Variants in BIRC2 observed in about 807,000 individuals in gnomAD.
The protein encoded by BIRC2 is baculoviral IAP repeat-containing protein 2.
In BIRC2, 18 loss-of-function variants were observed where a neutral mutation model predicts 60.9. The observed-to-expected ratio is 0.30, with a 90% CI of 0.20 to 0.44. The LOEUF (loss-of-function observed/expected upper bound fraction) is 0.44. BIRC2 is among the 20% of genes least tolerant of loss of function. The pLI, the probability that BIRC2 is intolerant of heterozygous loss-of-function variation, is 1.00. For missense variants in BIRC2, 701 were observed against 728.5 expected (o/e 0.96, Z 0.43); for synonymous variants, 282 against 247.7 (o/e 1.14, Z -1.30).
In BIRC2 at chr11:102,349,887, A is replaced by G. The variant is rs1393689291; in HGVS notation, c.33A>G (p.Pro11=). 1 of 1,611,454 alleles carries G rather than the reference A, an allele frequency of 6.2e-7. No individual in the cohort carries two copies. The highest frequency in any genetic ancestry group is 8.5e-7 in the Non-Finnish European group (1 of 1,178,264). Residue 11 remains proline (P), a synonymous_variant, in exon 2 of 9, where the codon CCA becomes CCG. Transcript: ENST00000227758. MHKTASQRLF[P]GPSYQNIKSI... Reference sequence around the variant, plus strand: ...AAACTGCCTCCCAAAGACTTTTCCCAGGTCCCTCGTATCAAAACATTAAGA... The same window carrying G: ...AAACTGCCTCCCAAAGACTTTTCCCGGGTCCCTCGTATCAAAACATTAAGA...
chr11:102,352,587 A>ATTTTTAGTAGAGACAGGG (rs533460950), intron 3 of BIRC2, among the ~76,000 whole-genome samples: 1 of 151,846 alleles, frequency 6.6e-6, no homozygotes, highest in Non-Finnish European at 1.5e-5. Context: ...ATTTTTTTGT[A>ATTTTTAGTAGAGACAGGG]TTTTTAGTAG....
chr11:102,356,613 G>A (rs1159775178), intron 3 of BIRC2, among the ~76,000 whole-genome samples: 1 of 151,602 alleles, frequency 6.6e-6, no homozygotes, highest in Admixed American at 6.6e-5. Flanking sequence ...TCCTGAAAGG[G>A]TGTTGAATTT....
chr11:102,376,647 G>A (rs182015663), intron 6 of BIRC2, among the ~76,000 whole-genome samples: 4 of 152,180 alleles, frequency 2.6e-5, no homozygotes, highest in African/African-American at 7.2e-5. Context: ...TTTATGTGAT[G>A]CGATATTAAA....
At chr11:102,375,925 A>T (rs939694146) in intron 6 of BIRC2, among the ~76,000 whole-genome samples, 1 of 152,078 alleles carries the variant, frequency 6.6e-6, no homozygotes, top group African/African-American at 2.4e-5. Flanking sequence ...GAGATATTGC[A>T]AATAAAACAC....
rs201622293 is a variant in BIRC2 at position 102,350,034 on chromosome 11, G to T, written c.180G>T (p.Val60=). 8 of 1,614,080 alleles carry T rather than the reference G, an allele frequency of 5.0e-6. No homozygotes were observed. Among genetic ancestry groups the T allele is most frequent in the Admixed American group, 1.7e-5 (1 of 60,006 alleles). Residue 60 remains valine, a synonymous_variant, in exon 2 of 9, where the codon GTG becomes GTT. Coordinates refer to ENST00000227758, the MANE Select transcript of BIRC2 (RefSeq NM_001166.5). ...MSTYSTFPAG[V]PVSERSLARA... ...CATATTCAACTTTCCCCGCCGGGGTGCCTGTCTCAGAAAGGAGTCTTGCTC... is the reference window on the plus strand; with the variant it reads ...CATATTCAACTTTCCCCGCCGGGGTTCCTGTCTCAGAAAGGAGTCTTGCTC...
chr11:102,377,829 T>A, intron 7 of BIRC2, 28 bp from the exon 8 acceptor site: 2 of 1,599,316 alleles, frequency 1.3e-6, no homozygotes, highest in Non-Finnish European at 1.7e-6. Flanking sequence ...TTTAGTAGAG[T>A]AATGGTTTTT....
intron 4 of BIRC2, among the ~76,000 whole-genome samples, chr11:102,363,316 T>C (rs1951506463): frequency 6.6e-6 from 1 of 152,248 alleles, no homozygotes; most frequent in African/African-American, 2.4e-5. Flanking sequence ...GAAGGATCTT[T>C]AGTGTCTCTT....
At chr11:102,358,449 G>C (rs1951447234) in intron 3 of BIRC2, among the ~76,000 whole-genome samples, 1 of 152,140 alleles carries the variant, frequency 6.6e-6, no homozygotes, top group Non-Finnish European at 1.5e-5. Flanking sequence ...AAGCATTTCA[G>C]ATAAGGAATA....
At chr11:102,370,672 C>G (rs1168447360) in intron 6 of BIRC2, among the ~76,000 whole-genome samples, 18 of 84,162 alleles carry the variant, frequency 2.1e-4, no homozygotes, top group South Asian at 1.1e-3. Flanking sequence ...TCCATATGAA[C>G]TTTAAAGTAG....
chr11:102,370,066 C>T (rs1296292147), intron 6 of BIRC2, among the ~76,000 whole-genome samples: 1 of 151,986 alleles, frequency 6.6e-6, no homozygotes, highest in East Asian at 1.9e-4. Context: ...TGGTTATTAG[C>T]CCTTTGTCAG....
chr11:102,366,430 A>G (rs1951553569), intron 5 of BIRC2, among the ~76,000 whole-genome samples: 1 of 150,408 alleles, frequency 6.6e-6, no homozygotes, highest in South Asian at 2.1e-4. Context: ...GCAGTGGCGC[A>G]ATTTTGGCTC....
At chr11:102,361,511 A>G (rs1197956731) in intron 3 of BIRC2, among the ~76,000 whole-genome samples, 1 of 152,114 alleles carries the variant, frequency 6.6e-6, no homozygotes, top group Non-Finnish European at 1.5e-5. Flanking sequence ...CTCCCTCTCC[A>G]GGGGGTTCAC....
intron 3 of BIRC2, among the ~76,000 whole-genome samples, chr11:102,358,488 C>G (rs1442965324): frequency 6.6e-6 from 1 of 152,092 alleles, no homozygotes; most frequent in Non-Finnish European, 1.5e-5. Flanking sequence ...TCCATTAGAT[C>G]CAGTGTATAG....
At chr11:102,373,185 CAT>C (rs1344081444) in intron 6 of BIRC2, among the ~76,000 whole-genome samples, 2 of 151,868 alleles carry the variant, frequency 1.3e-5, no homozygotes, top group Non-Finnish European at 2.9e-5. Flanking sequence ...TTAATATTGT[CAT>C]GTGTGAATTT....
chr11:102,362,586 A>C (rs1299381597), intron 3 of BIRC2, among the ~76,000 whole-genome samples: 1 of 152,216 alleles, frequency 6.6e-6, no homozygotes, highest in Non-Finnish European at 1.5e-5. Context: ...CACTTTAAGC[A>C]CAAAATAGAT....
intron 6 of BIRC2, among the ~76,000 whole-genome samples, chr11:102,374,155 T>C (rs904792607): frequency 2.6e-5 from 4 of 150,980 alleles, no homozygotes; most frequent in South Asian, 2.1e-4. Context: ...TCTGAAGCCT[T>C]CTTCTCTCAG....
chr11:102,348,640 C>T lies in BIRC2; in HGVS notation c.-1215C>T, dbSNP rs1015825839. 3.6e-5 allele frequency: 11 copies of T among 306,718 alleles called. No individual in the cohort carries two copies. Among genetic ancestry groups the T allele is most frequent in the African/African-American group, 1.6e-4 (7 of 43,906 alleles). 19.0% of individuals were successfully genotyped at this position (306,718 alleles called of 1,614,324 possible). On this transcript the variant is annotated 5_prime_UTR_variant, in exon 2 of 9. Coordinates refer to ENST00000227758, the MANE Select transcript of BIRC2 (RefSeq NM_001166.5). Reference sequence around the variant, plus strand: ...ATCTCCCTATCCCTATTTTGTCCCCCTGCAGTAATAAATCCCATTATGGAG... The same window carrying T: ...ATCTCCCTATCCCTATTTTGTCCCCTTGCAGTAATAAATCCCATTATGGAG...
At chr11:102,373,123 T>C (rs1404720994) in intron 6 of BIRC2, among the ~76,000 whole-genome samples, 3 of 150,948 alleles carry the variant, frequency 2.0e-5, no homozygotes, top group Admixed American at 6.6e-5. Context: ...CTTTATCCAA[T>C]TTGCCAGTCT....
chr11:102,365,130 C>T (rs1951539182), intron 5 of BIRC2, among the ~76,000 whole-genome samples: 1 of 152,188 alleles, frequency 6.6e-6, no homozygotes, highest in South Asian at 2.1e-4. Context: ...TATCCTTGTA[C>T]TTTTCTGTTT....
Sources: allele counts gnomAD v4.1 joint callset (sites outside exome capture counted in the v4.1 genomes callset), GRCh38; gene constraint gnomAD v4.1.1; transcripts MANE v1.5; gene names NCBI Gene and HGNC (gene_info 2026-07-23, HGNC 2026-07-21).